The following PCDHA7 variants were observed in gnomAD, a reference collection of about 807,000 sequenced individuals.
PCDHA7 encodes the protein protocadherin alpha-7.
A neutral mutation model predicts 57.2 loss-of-function variants in PCDHA7; 37 were observed. That is an observed-to-expected ratio of 0.65 (90% CI 0.50 to 0.85). The LOEUF (loss-of-function observed/expected upper bound fraction) is 0.85, where lower values mean the gene tolerates loss of function less well. Among genes scored for constraint, PCDHA7 ranks in the 40% least tolerant of loss-of-function variants. The pLI, the probability that PCDHA7 is intolerant of heterozygous loss-of-function variation, is 0.00. For synonymous variants in PCDHA7, 553 were observed against 558.8 expected, an observed-to-expected ratio of 0.99 and a Z score of 0.15; for missense variants, 1,188 against 1,241.8, an observed-to-expected ratio of 0.96 and a Z score of 0.65.
At chr5:140,862,719 C>A (rs2047508176) in intron 1 of PCDHA7, 3 of 565,388 alleles carry the variant, frequency 5.3e-6, no homozygotes, top group Admixed American at 1.9e-5. Context: ...TGGGCGAGTG[C>A]GCGCTGTCTA....
In PCDHA7 at chr5:140,869,193, G is replaced by C. The variant is rs1215630740; in HGVS notation, c.2355+32455G>C. The C allele has an allele frequency of 1.9e-6, 3 of 1,614,040 alleles. No individual in the cohort carries two copies. In the African/African-American group the frequency reaches 4.0e-5, roughly 22 times the overall value. On this transcript the variant is annotated intron_variant, in intron 1 of 3. Transcript: ENST00000525929. Reference sequence around the variant, plus strand: ...AATTCTGGGAGGTGGGGAGCGGCCAGCTCCACTACTCCGTCTCGGAGGAGG... The same window carrying C: ...AATTCTGGGAGGTGGGGAGCGGCCACCTCCACTACTCCGTCTCGGAGGAGG...
intron 1 of PCDHA7, among the ~76,000 whole-genome samples, chr5:140,872,813 A>G (rs2053916797): frequency 6.6e-6 from 1 of 152,208 alleles, no homozygotes; most frequent in Non-Finnish European, 1.5e-5. Flanking sequence ...TAAGTTTTTC[A>G]GATTCATCTA....
intron 1 of PCDHA7, among the ~76,000 whole-genome samples, chr5:140,899,610 A>G (rs2067438350): frequency 6.6e-6 from 1 of 152,164 alleles, no homozygotes; most frequent in Admixed American, 6.5e-5. Flanking sequence ...TTTTGCATCA[A>G]TGTTCATCAA....
intron 1 of PCDHA7, among the ~76,000 whole-genome samples, chr5:140,888,140 G>A (rs2061708866): frequency 1.3e-5 from 2 of 152,080 alleles, no homozygotes; most frequent in Admixed American, 1.3e-4. Context: ...TTTTCTTGCT[G>A]TTTTGCATGA....
chr5:140,995,861 A>G (rs2097700846), intron 3 of PCDHA7, among the ~76,000 whole-genome samples: 1 of 152,220 alleles, frequency 6.6e-6, no homozygotes. Context: ...GTATCACTTA[A>G]TAATTGTGCA....
rs782628181 is a variant in PCDHA7, at chr5:140,850,474, C to G, written c.2355+13736C>G. 1.3e-6 allele frequency: 2 copies of G among 1,597,756 alleles called. 1 individual carries two copies. The highest frequency in any genetic ancestry group is 1.7e-6 in the Non-Finnish European group (2 of 1,167,580). On this transcript the variant is annotated intron_variant, in intron 1 of 3. Coordinates refer to ENST00000525929, the MANE Select transcript of PCDHA7 (RefSeq NM_018910.3). ...AAAGACCACGGGGAGCCAGCGCTGA[C>G]GGCCACGGCCACTGTGCTGGTGTCG...
intron 1 of PCDHA7, chr5:140,856,667 C>T: frequency 6.3e-7 from 1 of 1,597,938 alleles, no homozygotes; most frequent in Non-Finnish European, 8.6e-7. Context: ...AAATCCTCAG[C>T]TAAAGTTGTT....
chr5:140,842,603 C>A (rs2150340320), intron 1 of PCDHA7: 3 of 1,548,222 alleles, frequency 1.9e-6, no homozygotes, highest in Non-Finnish European at 2.6e-6. Context: ...GGTAACCGCG[C>A]GGGACGGGGG....
intron 1 of PCDHA7, chr5:140,857,451 C>T (rs782451627): frequency 1.3e-6 from 2 of 1,598,488 alleles, no homozygotes; most frequent in Non-Finnish European, 1.7e-6. Flanking sequence ...GAGAACAACC[C>T]GCCAGGCTGC....
At chr5:140,909,360 T>C (rs2074454382) in intron 1 of PCDHA7, among the ~76,000 whole-genome samples, 1 of 152,222 alleles carries the variant, frequency 6.6e-6, no homozygotes, top group South Asian at 2.1e-4. Flanking sequence ...ATGTGTTAAT[T>C]TGTTCAAGCA....
Position 140,967,464 on chromosome 5 carries a change from G to A in PCDHA7, c.2356-11485G>A, listed in dbSNP as rs781900904. The A allele has an allele frequency of 1.9e-6, 3 of 1,613,386 alleles. No individual in the cohort carries two copies. In the East Asian group the frequency reaches 6.7e-5, roughly 36 times the overall value. ...CTGGTTCTCACAGCCGTGGATGGGG[G>A]CATCCCAGCCCGCTCGGGTACGGCA... On this transcript the variant is annotated intron_variant, in intron 1 of 3. Coordinates refer to ENST00000525929, the MANE Select transcript of PCDHA7 (RefSeq NM_018910.3).
At position 140,882,588 on chromosome 5, in the gene PCDHA7, A is replaced by G; in HGVS notation, c.2355+45850A>G. The G allele has an allele frequency of 1.2e-6, 2 of 1,614,186 alleles. No homozygotes were observed. Among genetic ancestry groups the G allele is most frequent in the African/African-American group, 1.3e-5 (1 of 75,040 alleles). ...AGCGCGGAGTGCAGCATCCACCTGG[A>G]GGTGATCGTGGACAGGCCTCTGCAG... On this transcript the variant is annotated intron_variant, in intron 1 of 3. Coordinates refer to ENST00000525929, the MANE Select transcript of PCDHA7 (RefSeq NM_018910.3).
intron 1 of PCDHA7, among the ~76,000 whole-genome samples, chr5:140,956,940 T>G (rs1446313251): frequency 6.7e-6 from 1 of 150,168 alleles, no homozygotes; most frequent in Non-Finnish European, 1.5e-5. Flanking sequence ...AGGATAAAAT[T>G]TACATTAAAA....
intron 1 of PCDHA7, chr5:140,849,798 C>G (rs1356253349): frequency 1.3e-6 from 2 of 1,598,416 alleles, no homozygotes; most frequent in African/African-American, 1.3e-5. Context: ...CTCGCCTTCA[C>G]TGTGGGCCAC....
intron 1 of PCDHA7, among the ~76,000 whole-genome samples, chr5:140,962,524 G>T (rs1410879766): frequency 6.6e-6 from 1 of 152,012 alleles, no homozygotes; most frequent in Non-Finnish European, 1.5e-5. Flanking sequence ...TAATATATTA[G>T]TTTTTTAGAA....
chr5:140,834,576 C>T lies in PCDHA7; in HGVS notation c.193C>T (p.Arg65Trp). 2 of 1,614,098 alleles carry T rather than the reference C, an allele frequency of 1.2e-6. No individual in the cohort carries two copies. Among genetic ancestry groups the T allele is most frequent in the Non-Finnish European group, 8.5e-7 (1 of 1,180,008 alleles). ...ELAELVPRLF[R>W]AVCKFRGDLL... The stretch of plus-strand genomic sequence containing the variant: ...GGCGGAGCTGGTGCCGCGCCTGTTC[C>T]GGGCGGTGTGCAAATTCCGTGGGGA... Residue 65 changes from arginine (R) to tryptophan (W), a missense_variant, in exon 1 of 4, where the codon CGG becomes TGG. Arg to Trp is a moderately radical substitution (Grantham distance 101). Around this residue, in one of 3 missense-constraint regions of PCDHA7, gnomAD observed 194 missense variants for 185.8 expected, o/e 1.04. Transcript: ENST00000525929.
At chr5:140,890,226 G>C (rs1339541830) in intron 1 of PCDHA7, among the ~76,000 whole-genome samples, 7 of 152,100 alleles carry the variant, frequency 4.6e-5, no homozygotes, top group Admixed American at 4.6e-4. Context: ...AGACCTAGTT[G>C]TTAAGCATTT....
intron 1 of PCDHA7, among the ~76,000 whole-genome samples, chr5:140,874,989 A>G (rs1411320872): frequency 6.6e-6 from 1 of 152,218 alleles, no homozygotes; most frequent in Non-Finnish European, 1.5e-5. Context: ...ATTATTCTGT[A>G]TATCATTTTC....
At chr5:140,882,404 G>A in intron 1 of PCDHA7, 1 of 1,614,152 alleles carries the variant, frequency 6.2e-7, no homozygotes. Context: ...CACCTTCGTG[G>A]GCCGCATCGC....
Sources: allele counts gnomAD v4.1 joint callset (sites outside exome capture counted in the v4.1 genomes callset), GRCh38; gene constraint gnomAD v4.1.1; regional missense constraint gnomAD v4.1.1; transcripts MANE v1.5; gene names NCBI Gene and HGNC (gene_info 2026-07-23, HGNC 2026-07-21).